Variants in SLCO1B1 observed in about 807,000 individuals in gnomAD.
SLCO1B1 encodes the protein solute carrier organic anion transporter family member 1B1, also known as OATP-2.
A neutral mutation model predicts 70.1 loss-of-function variants in SLCO1B1; 81 were observed. The observed-to-expected ratio is 1.16, with a 90% CI of 0.97 to 1.39. The LOEUF (loss-of-function observed/expected upper bound fraction) is 1.39. Ranked by LOEUF, SLCO1B1 falls within the 40% of genes most tolerant of loss-of-function variation. The pLI, the probability that SLCO1B1 is intolerant of heterozygous loss-of-function variation, is 0.00. For synonymous variants in SLCO1B1, 283 were observed against 271.5 expected, an observed-to-expected ratio of 1.04 and a Z score of -0.42; for missense variants, 895 against 799.6, an observed-to-expected ratio of 1.12 and a Z score of -1.44.
intron 2 of SLCO1B1, among the ~76,000 whole-genome samples, chr12:21,150,921 T>C (rs1190641554): frequency 1.3e-5 from 2 of 152,218 alleles, no homozygotes; most frequent in Non-Finnish European, 2.9e-5. Context: ...TTAATACATT[T>C]AGATCATTTG....
Position 21,209,038 on chromosome 12 carries a change from T to G in SLCO1B1, c.1497+3005T>G, listed in dbSNP as rs191758800. ...GAGGCTTTTGGCAGAGTATTTAGGG[T>G]TTTTTTTTAATTAATTAATTTATTT... is the stretch of plus-strand genomic sequence containing the variant. On this transcript the variant is annotated intron_variant, in intron 11 of 14. Transcript: ENST00000256958. 9.0e-3 allele frequency among the ~76,000 whole-genome samples: 1,359 copies of G among 150,538 alleles called. 24 individuals carry two copies. The highest frequency in any genetic ancestry group is 0.041 in the South Asian group (193 of 4,660).
intron 2 of SLCO1B1, among the ~76,000 whole-genome samples, chr12:21,142,501 T>C (rs758966116): frequency 7.2e-5 from 11 of 152,022 alleles, no homozygotes; most frequent in Non-Finnish European, 1.5e-4. Flanking sequence ...AACTTTTTTA[T>C]TTAGTCAAAT....
At chr12:21,172,026 A>G (rs889439853) in intron 2 of SLCO1B1, among the ~76,000 whole-genome samples, 1 of 152,214 alleles carries the variant, frequency 6.6e-6, no homozygotes, top group Non-Finnish European at 1.5e-5. Context: ...TAAAGATGTA[A>G]TACATAACAG....
At position 21,219,316 on chromosome 12, in the gene SLCO1B1, GC is replaced by G. The variant is rs528515560; in HGVS notation, c.1682+2014del. 9.8e-5 allele frequency among the ~76,000 whole-genome samples: 15 copies of G among 152,312 alleles called. No homozygotes were observed. In the East Asian group the frequency reaches 2.9e-3, roughly 29 times the overall value. On this transcript the variant is annotated intron_variant, in intron 12 of 14. Transcript: ENST00000256958. The stretch of plus-strand genomic sequence containing the variant: ...GATAGAAAATAAAGGTACAAGCCAT[GC>G]TAAATGGAGACATAGGAGGAACAAT...
At chr12:21,162,610 C>T (rs1342394640) in intron 2 of SLCO1B1, among the ~76,000 whole-genome samples, 3 of 152,070 alleles carry the variant, frequency 2.0e-5, no homozygotes, top group East Asian at 1.9e-4. Context: ...TGAAGTGAGA[C>T]GTAATAAGGG....
chr12:21,233,445 C>A (rs1203049057), intron 14 of SLCO1B1, among the ~76,000 whole-genome samples: 1 of 152,024 alleles, frequency 6.6e-6, no homozygotes, highest in East Asian at 1.9e-4. Flanking sequence ...TATTCTCCAC[C>A]TGAGAATTCT....
chr12:21,158,145 T>C (rs1303861208), intron 2 of SLCO1B1, among the ~76,000 whole-genome samples: 1 of 152,152 alleles, frequency 6.6e-6, no homozygotes, highest in Admixed American at 6.5e-5. Context: ...TCAACAAACA[T>C]TTAACAAGTG....
chr12:21,201,772 C>T (rs569457033), intron 9 of SLCO1B1, among the ~76,000 whole-genome samples: 2 of 152,228 alleles, frequency 1.3e-5, no homozygotes, highest in East Asian at 3.9e-4. Context: ...AGCCACACTG[C>T]CTTTTGCTAT....
chr12:21,211,790 G>GA (rs1941289621), intron 11 of SLCO1B1, among the ~76,000 whole-genome samples: 1 of 152,182 alleles, frequency 6.6e-6, no homozygotes, highest in Admixed American at 6.5e-5. Context: ...TTAGTCTTCG[G>GA]AGAGTGTATA....
chr12:21,199,066 A>C (rs12315627), intron 8 of SLCO1B1, among the ~76,000 whole-genome samples: 1,540 of 152,140 alleles, frequency 0.01, 36 homozygotes, highest in South Asian at 0.039. Flanking sequence ...TATTCCCACT[A>C]TACATTTTCT....
intron 2 of SLCO1B1, 77 bp from the exon 3 acceptor site, chr12:21,172,573 T>C: frequency 6.9e-7 from 1 of 1,456,982 alleles, no homozygotes; most frequent in Non-Finnish European, 9.6e-7. Flanking sequence ...AGAAAGCTAT[T>C]ATAATTCCAT....
chr12:21,198,713 A>G (rs940486005), intron 8 of SLCO1B1, among the ~76,000 whole-genome samples: 3 of 152,154 alleles, frequency 2.0e-5, no homozygotes, highest in Admixed American at 1.3e-4. Context: ...GAATGAAAAG[A>G]TGATTTCAGT....
At chr12:21,159,307 C>T (rs947930321) in intron 2 of SLCO1B1, among the ~76,000 whole-genome samples, 4 of 151,874 alleles carry the variant, frequency 2.6e-5, no homozygotes, top group African/African-American at 4.8e-5. Context: ...GTTTAAATAG[C>T]ATAAAATAAT....
chr12:21,217,424 CT>C, intron 12 of SLCO1B1, 121 bp downstream of exon 12: 1 of 832,890 alleles, frequency 1.2e-6, no homozygotes, highest in South Asian at 1.5e-5. Context: ...TTTTAATTTT[CT>C]GAGAATTCAT....
At chr12:21,219,259 G>A (rs1221919432) in intron 12 of SLCO1B1, among the ~76,000 whole-genome samples, 1 of 152,148 alleles carries the variant, frequency 6.6e-6, no homozygotes, top group Non-Finnish European at 1.5e-5. Flanking sequence ...ATGGTGCTTT[G>A]GAAGTCCTTT....
At position 21,202,722 on chromosome 12, in the gene SLCO1B1, T is replaced by C. The variant is rs1243252591; in HGVS notation, c.1331+36T>C. On this transcript the variant is annotated intron_variant, in intron 10 of 14. Coordinates refer to ENST00000256958, the MANE Select transcript of SLCO1B1 (RefSeq NM_006446.5). ...ATCACTATATCAATTGCATAATATG[T>C]TAACCATCAAATTAAGAGTCTCTGT... 7 of 1,491,132 alleles carry C rather than the reference T, an allele frequency of 4.7e-6. No homozygotes were observed. The South Asian group carries it at 7.9e-5, about 17-fold the overall frequency. 92.4% of individuals were successfully genotyped at this position (1,491,132 alleles called of 1,614,324 possible). A position where few individuals can be genotyped will look rare whatever the true frequency, so the allele number is the denominator to read the frequency against.
At chr12:21,145,783 T>C (rs1297733699) in intron 2 of SLCO1B1, among the ~76,000 whole-genome samples, 3 of 152,170 alleles carry the variant, frequency 2.0e-5, no homozygotes, top group Admixed American at 2.0e-4. Context: ...TTGTCTGTGC[T>C]CCTTGATTCT....
At chr12:21,191,472 G>A (rs1941028772) in intron 7 of SLCO1B1, among the ~76,000 whole-genome samples, 1 of 151,878 alleles carries the variant, frequency 6.6e-6, no homozygotes, top group Non-Finnish European at 1.5e-5. Context: ...TAATTATTTT[G>A]TATCCTGCAA....
rs541772221 is a variant in SLCO1B1 at position 21,160,627 on chromosome 12, C to T, written c.85-12023C>T. 6.6e-5 allele frequency among the ~76,000 whole-genome samples: 10 copies of T among 151,982 alleles called. No homozygotes were observed. In the South Asian group the frequency reaches 2.1e-3, roughly 32 times the overall value. On this transcript the variant is annotated intron_variant, in intron 2 of 14. Transcript: ENST00000256958. ...GGCAAAGATTTCATGACAAATGACA[C>T]CGAAAGCAATCAAAACAAAAGCAAA...
Sources: gnomAD v4.1 joint callset for allele counts (sites outside exome capture counted in the v4.1 genomes callset) on GRCh38, gnomAD v4.1.1 for gene constraint, MANE v1.5 for transcripts, NCBI Gene and HGNC (gene_info 2026-07-23, HGNC 2026-07-21) for gene names.